The following CELF2 variants were observed in gnomAD, a reference collection of about 807,000 sequenced individuals.
The protein encoded by CELF2 is CUG triplet repeat RNA-binding protein 2.
CELF2 carries 8 observed loss-of-function variants against 62.6 expected under a neutral mutation model. That is an observed-to-expected ratio of 0.13 (90% confidence interval 0.07 to 0.23). The LOEUF (loss-of-function observed/expected upper bound fraction) is 0.23. Ranked by LOEUF, CELF2 falls within the 10% of genes least tolerant of loss-of-function variation. CELF2 has a pLI of 1.00. For missense variants in CELF2, 333 were observed against 671.0 expected (o/e 0.50, Z 5.56); for synonymous variants, 258 against 250.0 (o/e 1.03, Z -0.30).
At chr10:10,517,635 G>A in the CELF2 span, among the ~76,000 whole-genome samples, 118 of 152,128 alleles carry the variant, frequency 7.8e-4, 1 homozygote, top group Non-Finnish European at 1.6e-4. Flanking sequence ...GTCTTAGGAG[G>A]CAATTTTCCC....
chr10:10,803,197 G>A (rs1214546639), intron 1 of CELF2, among the ~76,000 whole-genome samples: 1 of 152,176 alleles, frequency 6.6e-6, no homozygotes, highest in African/African-American at 2.4e-5. Flanking sequence ...TTTGCACATA[G>A]AGGAATGAAA....
In CELF2 at chr10:11,207,790, A is replaced by G. The variant is rs1348155476; in HGVS notation, c.272-9635A>G. Among the ~76,000 whole-genome samples, 1 of 152,194 alleles carries G rather than the reference A, an allele frequency of 6.6e-6. No individual in the cohort carries two copies. The highest frequency in any genetic ancestry group is 1.9e-4 in the East Asian group (1 of 5,190). ...CAATTATATCAAACTCTATAAAACT[A>G]AGCTAATTGGATACGGTTTCCTTAA... is the stretch of plus-strand genomic sequence containing the variant. On this transcript the variant is annotated intron_variant, in intron 2 of 12. Coordinates refer to ENST00000633077, the MANE Select transcript of CELF2 (RefSeq NM_001326342.2). The surrounding 1 kb of genome is among the most constrained non-coding windows in gnomAD (Gnocchi z 4.1).
At chr10:11,090,446 A>C (rs1284544136) in intron 1 of CELF2, among the ~76,000 whole-genome samples, 1 of 152,202 alleles carries the variant, frequency 6.6e-6, no homozygotes, top group Non-Finnish European at 1.5e-5. Context: ...TTAATAAAAA[A>C]TCAAATGAAT....
chr10:10,748,092 GA>G, the CELF2 span, among the ~76,000 whole-genome samples: 1 of 152,088 alleles, frequency 6.6e-6, no homozygotes, highest in African/African-American at 2.4e-5. Context: ...AGGGTGGGGG[GA>G]ATAAACAGAG....
intron 3 of CELF2, among the ~76,000 whole-genome samples, chr10:11,241,288 C>T (rs1242562917): frequency 6.6e-6 from 1 of 152,240 alleles, no homozygotes; most frequent in Non-Finnish European, 1.5e-5. Flanking sequence ...CAACCTCTTC[C>T]TCCCAGGTTC....
At chr10:10,706,952 C>T in the CELF2 span, among the ~76,000 whole-genome samples, 3 of 152,142 alleles carry the variant, frequency 2.0e-5, no homozygotes, top group Admixed American at 1.3e-4. Flanking sequence ...TCTCAGAAGG[C>T]CTTTAATGTT....
chr10:11,172,896 G>A lies in CELF2; in HGVS notation c.271+7214G>A, dbSNP rs186954583. ...TAGCAGAAGAATAAAGAAAACAGGC[G>A]CTGGATGAAAGGAGAACAGACTTCT... On this transcript the variant is annotated intron_variant, in intron 2 of 12. Coordinates refer to ENST00000633077, the MANE Select transcript of CELF2 (RefSeq NM_001326342.2). 1.1e-4 allele frequency among the ~76,000 whole-genome samples: 16 copies of A among 152,304 alleles called. No individual in the cohort carries two copies. The East Asian group carries it at 2.3e-3, about 22-fold the overall frequency.
At chr10:11,231,306 T>A (rs1294771373) in intron 3 of CELF2, among the ~76,000 whole-genome samples, 1 of 152,212 alleles carries the variant, frequency 6.6e-6, no homozygotes, top group Non-Finnish European at 1.5e-5. Context: ...AACCTGAACT[T>A]AACCATGGTC....
Position 10,961,534 on chromosome 10 carries a change from G to A in CELF2, c.89+41535G>A, listed in dbSNP as rs188958336. Among the ~76,000 whole-genome samples the A allele has an allele frequency of 2.4e-4, 37 of 152,002 alleles. No individual in the cohort carries two copies. The East Asian group carries it at 6.2e-3, about 26-fold the overall frequency. On this transcript the variant is annotated intron_variant, in intron 2 of 13. Coordinates refer to the CELF2 transcript ENST00000636488. ...GGCTGAGGTGAGCGGATCACGTGAG[G>A]TCAAGAGTAAAAGACCAGCCTGGGC...
the CELF2 span, among the ~76,000 whole-genome samples, chr10:10,610,095 T>G: frequency 6.6e-6 from 1 of 152,328 alleles, no homozygotes; most frequent in South Asian, 2.1e-4. Flanking sequence ...CATATATCAA[T>G]TAAGATAATT....
At chr10:11,265,750 C>T (rs982239133) in intron 5 of CELF2, among the ~76,000 whole-genome samples, 1 of 152,162 alleles carries the variant, frequency 6.6e-6, no homozygotes, top group Non-Finnish European at 1.5e-5. Flanking sequence ...TTTTACAGCA[C>T]AAGAAAAAAC....
chr10:10,770,757 T>C, the CELF2 span, among the ~76,000 whole-genome samples: 1 of 152,056 alleles, frequency 6.6e-6, no homozygotes, highest in Non-Finnish European at 1.5e-5. Context: ...GATTTTGAAA[T>C]CCTGCTAAGT....
At chr10:10,701,288 A>T in the CELF2 span, among the ~76,000 whole-genome samples, 20 of 152,342 alleles carry the variant, frequency 1.3e-4, no homozygotes, top group South Asian at 4.1e-3. Flanking sequence ...ACAGAAAGAG[A>T]TGCAAATATC....
At chr10:10,873,588 C>T (rs2060896728) in intron 1 of CELF2, among the ~76,000 whole-genome samples, 1 of 152,122 alleles carries the variant, frequency 6.6e-6, no homozygotes, top group African/African-American at 2.4e-5. Flanking sequence ...TTACCTCCTA[C>T]CAAGGCTCTC....
chr10:11,119,962 A>G (rs774710871), intron 1 of CELF2, among the ~76,000 whole-genome samples: 1 of 148,922 alleles, frequency 6.7e-6, no homozygotes, highest in Non-Finnish European at 1.5e-5. Flanking sequence ...TGATAATCAC[A>G]TATAATTGTG....
At chr10:10,567,961 T>C in the CELF2 span, among the ~76,000 whole-genome samples, 7 of 152,210 alleles carry the variant, frequency 4.6e-5, no homozygotes, top group East Asian at 1.2e-3. Context: ...GATTAAGCAA[T>C]GAACAAAGCT....
upstream of CELF2, among the ~76,000 whole-genome samples, chr10:11,013,991 T>C (rs970598687): frequency 6.6e-6 from 1 of 152,246 alleles, no homozygotes; most frequent in Non-Finnish European, 1.5e-5. The surrounding 1 kb of genome is among the most constrained non-coding windows in gnomAD (Gnocchi z 4.1). Context: ...CTCAGGTACT[T>C]AAAATTCATG....
chr10:10,728,166 G>A, the CELF2 span, among the ~76,000 whole-genome samples: 7 of 151,492 alleles, frequency 4.6e-5, no homozygotes, highest in Non-Finnish European at 7.4e-5. Flanking sequence ...GTGACCAGTC[G>A]CGGTGGCTCA....
intron 2 of CELF2, among the ~76,000 whole-genome samples, chr10:11,197,075 G>GA (rs1172930340): frequency 7.6e-6 from 1 of 131,604 alleles, no homozygotes; most frequent in African/African-American, 3.3e-5. Context: ...AGAAAGGAAA[G>GA]AAAGAAAGAA....
Sources: allele counts gnomAD v4.1 joint callset (sites outside exome capture counted in the v4.1 genomes callset), GRCh38; gene constraint gnomAD v4.1.1; non-coding constraint Gnocchi (gnomAD v3.1); transcripts MANE v1.5; gene names NCBI Gene and HGNC (gene_info 2026-07-23, HGNC 2026-07-21).